Variants in PCDH15 observed in about 807,000 individuals in gnomAD.
The protein encoded by PCDH15 is protocadherin related 15, also known as protocadherin-15.
Under a neutral mutation model 178.5 loss-of-function variants are expected in PCDH15, and 129 were observed. The ratio of observed to expected loss-of-function variants is 0.72; its 90% confidence interval spans 0.63 to 0.84. PCDH15 has a LOEUF of 0.84. Among genes scored for constraint, PCDH15 ranks in the 40% least tolerant of loss-of-function variants. The pLI is 0.00. For synonymous variants in PCDH15, 800 were observed against 732.0 expected (o/e 1.09, Z -1.50); for missense variants, 2,230 against 2,099.9 (o/e 1.06, Z -1.21).
intron 2 of PCDH15, chr10:54,641,218 A>G (rs1008215198): frequency 6.4e-6 from 1 of 157,218 alleles, no homozygotes; most frequent in Non-Finnish European, 1.4e-5. Context: ...ATCATCATAA[A>G]ACAATTGCAT....
At chr10:54,359,154 G>A (rs1945564341) in intron 5 of PCDH15, among the ~76,000 whole-genome samples, 2 of 151,562 alleles carry the variant, frequency 1.3e-5, no homozygotes, top group African/African-American at 4.9e-5. Context: ...AAAACTTAAA[G>A]TATAATAAAA....
chr10:54,654,786 C>T (rs966040903), intron 2 of PCDH15: 3 of 152,178 alleles, frequency 2.0e-5, no homozygotes, highest in Middle Eastern at 3.2e-3. Flanking sequence ...ATTTTTCAAT[C>T]GTTCTAAAAT....
chr10:54,990,843 C>T (rs1839481401), intron 2 of PCDH15, among the ~76,000 whole-genome samples: 1 of 151,988 alleles, frequency 6.6e-6, no homozygotes, highest in African/African-American at 2.4e-5. Flanking sequence ...GAAAGGAAAT[C>T]CCCTCAGGAT....
intron 2 of PCDH15, among the ~76,000 whole-genome samples, chr10:54,942,163 A>G (rs1352606353): frequency 1.3e-5 from 2 of 152,054 alleles, no homozygotes; most frequent in Non-Finnish European, 2.9e-5. Context: ...TTTTCATTCT[A>G]AATAAATTCT....
chr10:54,027,277 A>G (rs998847168), intron 18 of PCDH15, among the ~76,000 whole-genome samples: 1 of 149,530 alleles, frequency 6.7e-6, no homozygotes. Context: ...ACCACTGCTC[A>G]AGGAAATAAA....
At chr10:54,810,082 A>C (rs1327348370) in intron 3 of PCDH15, among the ~76,000 whole-genome samples, 2 of 152,106 alleles carry the variant, frequency 1.3e-5, no homozygotes, top group Non-Finnish European at 2.9e-5. Context: ...GTGTGCTTTT[A>C]AATAGCCTCA....
chr10:54,810,610 A>G (rs1952847813), intron 3 of PCDH15, among the ~76,000 whole-genome samples: 1 of 152,158 alleles, frequency 6.6e-6, no homozygotes, highest in Non-Finnish European at 1.5e-5. Flanking sequence ...CATTGATTCT[A>G]ACATTTTCAC....
rs71014459 is a variant in PCDH15, at chr10:55,175,663, C to CAA, written c.-155-9014_-155-9013dup. On this transcript the variant is annotated intron_variant, in intron 1 of 5. Transcript: ENST00000458638. ...CCTGGGCAACAGAGAGACTCTGTCT[C>CAA]AAAAAAAAAAAAAAAGAAAAAGAAA... Among the ~76,000 whole-genome samples the CAA allele has an allele frequency of 6.7e-3, 717 of 106,632 alleles. 11 individuals carry two copies. Among genetic ancestry groups the CAA allele is most frequent in the African/African-American group, 0.024 (661 of 27,734 alleles). The allele number at this position is 106,632 out of a possible 152,430, so 70.0% of individuals were successfully genotyped here.
At chr10:54,758,738 G>A (rs1947488343) in intron 1 of PCDH15, among the ~76,000 whole-genome samples, 1 of 152,124 alleles carries the variant, frequency 6.6e-6, no homozygotes, top group South Asian at 2.1e-4. Flanking sequence ...CTAACCAATT[G>A]AACTTTTGGG....
intron 7 of PCDH15, among the ~76,000 whole-genome samples, chr10:54,327,412 C>A (rs960738161): frequency 6.7e-6 from 1 of 150,014 alleles, no homozygotes; most frequent in Non-Finnish European, 1.5e-5. Context: ...CATACAGACA[C>A]ACACATAATA....
At chr10:53,936,063 A>G (rs1228899879) in intron 25 of PCDH15, among the ~76,000 whole-genome samples, 1 of 152,174 alleles carries the variant, frequency 6.6e-6, no homozygotes, top group Non-Finnish European at 1.5e-5. Context: ...CTGGAAATTA[A>G]GGAAGCAGAA....
intron 2 of PCDH15, among the ~76,000 whole-genome samples, chr10:55,569,717 T>C (rs1842370397): frequency 6.6e-6 from 1 of 151,946 alleles, no homozygotes; most frequent in Non-Finnish European, 1.5e-5. Context: ...AAATATGCTA[T>C]TTTCAGAAAT....
intron 4 of PCDH15, among the ~76,000 whole-genome samples, chr10:54,371,261 A>T (rs1481113518): frequency 2.0e-5 from 3 of 151,866 alleles, no homozygotes; most frequent in Non-Finnish European, 4.4e-5. Context: ...TTAATGTAAA[A>T]ATGTAATTGT....
intron 3 of PCDH15, among the ~76,000 whole-genome samples, chr10:54,815,937 GTAT>G (rs1431897421): frequency 1.3e-5 from 2 of 152,044 alleles, no homozygotes; most frequent in Non-Finnish European, 2.9e-5. Flanking sequence ...AACATGCAAA[GTAT>G]GTATGTTAAT....
chr10:55,043,553 A>T (rs1426645274), intron 2 of PCDH15, among the ~76,000 whole-genome samples: 1 of 150,740 alleles, frequency 6.6e-6, no homozygotes, highest in Non-Finnish European at 1.5e-5. Context: ...TATAAAAAAT[A>T]AAAAAAAATA....
intron 2 of PCDH15, among the ~76,000 whole-genome samples, chr10:54,577,409 G>C (rs2133722386): frequency 6.6e-6 from 1 of 151,766 alleles, no homozygotes; most frequent in African/African-American, 2.4e-5. Flanking sequence ...TTAATTTCTT[G>C]ACCCATATTC....
At chr10:54,933,856 C>A (rs893960955) in intron 2 of PCDH15, among the ~76,000 whole-genome samples, 5 of 152,082 alleles carry the variant, frequency 3.3e-5, no homozygotes, top group Admixed American at 1.3e-4. Flanking sequence ...AAAATTAAAT[C>A]CTTATCCGTA....
chr10:53,977,072 C>CA (rs1189945161), intron 21 of PCDH15, among the ~76,000 whole-genome samples: 1 of 151,968 alleles, frequency 6.6e-6, no homozygotes, highest in Non-Finnish European at 1.5e-5. Context: ...TTCTTCTCTG[C>CA]AATATAAACC....
chr10:54,966,043 G>A (rs1838780147), intron 2 of PCDH15, among the ~76,000 whole-genome samples: 1 of 151,324 alleles, frequency 6.6e-6, no homozygotes, highest in Admixed American at 6.6e-5. Context: ...AGTATTAAAT[G>A]GGAACAAGTA....
Sources: allele counts gnomAD v4.1 joint callset (sites outside exome capture counted in the v4.1 genomes callset), GRCh38; gene constraint gnomAD v4.1.1; transcripts MANE v1.5; gene names NCBI Gene and HGNC (gene_info 2026-07-23, HGNC 2026-07-21).